Variants in GRK5 observed in about 807,000 individuals in gnomAD.
The protein encoded by GRK5 is g protein-coupled receptor kinase GRK5.
Under a neutral mutation model 78.4 loss-of-function variants are expected in GRK5, and 40 were observed. That is an observed-to-expected ratio of 0.51 (90% CI 0.40 to 0.66). GRK5 has a LOEUF of 0.66. Ranked by LOEUF, GRK5 falls within the 30% of genes least tolerant of loss-of-function variation. The pLI, the probability that GRK5 is intolerant of heterozygous loss-of-function variation, is 0.00. For synonymous variants in GRK5, 289 were observed against 296.8 expected (o/e 0.97, Z 0.27); for missense variants, 598 against 759.9 (o/e 0.79, Z 2.50).
In GRK5 at chr10:119,405,308, G is replaced by A. The variant is rs549535024; in HGVS notation, c.339+8536G>A. ...TCTTAGAGCGCATTTCTTGCCAAAGGTCTGCAGGCAGGATATTGTTCTCTG... is the reference window on the plus strand; with the variant it reads ...TCTTAGAGCGCATTTCTTGCCAAAGATCTGCAGGCAGGATATTGTTCTCTG... On this transcript the variant is annotated intron_variant, in intron 4 of 15. Coordinates refer to ENST00000392870, the MANE Select transcript of GRK5 (RefSeq NM_005308.3). 1.9e-3 allele frequency among the ~76,000 whole-genome samples: 290 copies of A among 152,260 alleles called. 1 individual carries two copies. Among genetic ancestry groups the A allele is most frequent in the African/African-American group, 6.6e-3 (275 of 41,554 alleles).
intron 1 of GRK5, among the ~76,000 whole-genome samples, chr10:119,213,956 T>C (rs1408665046): frequency 9.2e-6 from 1 of 108,742 alleles, no homozygotes; most frequent in African/African-American, 3.5e-5. Context: ...TGCCGTTCTC[T>C]TTTTACATGT....
At chr10:119,442,906 ATGGT>A (rs1468973722) in intron 11 of GRK5, among the ~76,000 whole-genome samples, 1 of 152,014 alleles carries the variant, frequency 6.6e-6, no homozygotes, top group Non-Finnish European at 1.5e-5. Context: ...GGGTGGATGG[ATGGT>A]TGGATGGATG....
chr10:119,447,713 C>T (rs1255736430), intron 12 of GRK5, among the ~76,000 whole-genome samples: 1 of 152,166 alleles, frequency 6.6e-6, no homozygotes, highest in African/African-American at 2.4e-5. Flanking sequence ...GGTGCCTTCT[C>T]TGTCAGGAAG....
At position 119,455,311 on chromosome 10, in the gene GRK5, GA is replaced by G. The variant is rs1406257677; in HGVS notation, c.*247del. ...TTTGTCTTTGGTGAACATTGCAATA[GA>G]AATCCAATTGGATACGACAACTTGC... On this transcript the variant is annotated 3_prime_UTR_variant, in exon 16 of 16. Transcript: ENST00000392870. 1 of 685,770 alleles carries G rather than the reference GA, an allele frequency of 1.5e-6. No individual in the cohort carries two copies. The highest frequency in any genetic ancestry group is 2.8e-5 in the East Asian group (1 of 36,086). 42.5% of individuals were successfully genotyped at this position (685,770 alleles called of 1,614,324 possible). A position where few individuals can be genotyped will look rare whatever the true frequency, so the allele number is the denominator to read the frequency against.
At chr10:119,403,400 C>T (rs1033023413) in intron 4 of GRK5, among the ~76,000 whole-genome samples, 5 of 152,080 alleles carry the variant, frequency 3.3e-5, no homozygotes, top group Non-Finnish European at 7.4e-5. Context: ...CTCCTGACCT[C>T]GTGATCCACC....
At position 119,441,984 on chromosome 10, in the gene GRK5, T is replaced by A. The variant is rs1040340443; in HGVS notation, c.968-15T>A. ...GGCTGTCCCAGGGACCCACTGACCC[T>A]GCTGTCCCCCTCAGGCCACATTAGG... On this transcript the variant is annotated splice_polypyrimidine_tract_variant and intron_variant, in intron 10 of 15. Coordinates refer to ENST00000392870, the MANE Select transcript of GRK5 (RefSeq NM_005308.3). 1 of 1,610,422 alleles carries A rather than the reference T, an allele frequency of 6.2e-7. No individual in the cohort carries two copies. The highest frequency in any genetic ancestry group is 2.2e-5 in the East Asian group (1 of 44,858).
At chr10:119,313,047 G>GTGGTGA (rs1850400244) in intron 1 of GRK5, among the ~76,000 whole-genome samples, 1 of 121,838 alleles carries the variant, frequency 8.2e-6, no homozygotes, top group Non-Finnish European at 2.0e-5. Context: ...GATGGTGGTG[G>GTGGTGA]TGGTAATGAT....
intron 4 of GRK5, among the ~76,000 whole-genome samples, chr10:119,407,360 A>G (rs1852259777): frequency 6.6e-6 from 1 of 152,194 alleles, no homozygotes; most frequent in East Asian, 1.9e-4. Context: ...AGGCCTCAAA[A>G]GGGATGCTTA....
At chr10:119,251,172 T>A (rs549950048) in intron 1 of GRK5, among the ~76,000 whole-genome samples, 1 of 152,182 alleles carries the variant, frequency 6.6e-6, no homozygotes, top group Non-Finnish European at 1.5e-5. Context: ...ACTGTTTGAA[T>A]TTAAAACTCT....
chr10:119,208,149 A>G (rs985675967), intron 1 of GRK5, among the ~76,000 whole-genome samples, 180 bp downstream of exon 1: 3 of 152,236 alleles, frequency 2.0e-5, no homozygotes, highest in Admixed American at 2.0e-4. Context: ...CTTGGGGCTC[A>G]GAGAATCTGG....
At chr10:119,243,289 G>A (rs1849054686) in intron 1 of GRK5, among the ~76,000 whole-genome samples, 1 of 152,172 alleles carries the variant, frequency 6.6e-6, no homozygotes, top group Non-Finnish European at 1.5e-5. Context: ...TGTGCTCTGT[G>A]TCGGCATGTT....
At chr10:119,255,506 C>T (rs916922577) in intron 1 of GRK5, among the ~76,000 whole-genome samples, 2 of 152,220 alleles carry the variant, frequency 1.3e-5, no homozygotes, top group Non-Finnish European at 2.9e-5. Flanking sequence ...GTGATTTTCA[C>T]TGGCGTGGAC....
At chr10:119,312,986 G>A (rs1465389219) in intron 1 of GRK5, among the ~76,000 whole-genome samples, 2 of 151,728 alleles carry the variant, frequency 1.3e-5, no homozygotes, top group Non-Finnish European at 2.9e-5. Context: ...TGATGCTGAT[G>A]GTGGTGGTAA....
chr10:119,432,929 G>A (rs1351189884), intron 8 of GRK5, among the ~76,000 whole-genome samples: 1 of 152,108 alleles, frequency 6.6e-6, no homozygotes, highest in Non-Finnish European at 1.5e-5. Context: ...AAATTACCTG[G>A]GCATGGTGGT....
intron 2 of GRK5, among the ~76,000 whole-genome samples, chr10:119,363,281 A>AG (rs892889319): frequency 4.0e-5 from 6 of 148,550 alleles, no homozygotes; most frequent in Non-Finnish European, 7.5e-5. Context: ...AACTGTCTCA[A>AG]AAAAAAAAAA....
intron 1 of GRK5, among the ~76,000 whole-genome samples, chr10:119,303,969 C>T (rs529905979): frequency 6.6e-5 from 10 of 152,124 alleles, no homozygotes; most frequent in African/African-American, 9.7e-5. Context: ...TACCCTAAAG[C>T]GCCAGGGTGG....
chr10:119,381,537 G>A (rs1342221628), intron 3 of GRK5, among the ~76,000 whole-genome samples: 2 of 152,230 alleles, frequency 1.3e-5, no homozygotes, highest in African/African-American at 4.8e-5. Flanking sequence ...TCCTTCACAT[G>A]TGCTTGTTAT....
chr10:119,261,948 C>A (rs929643488), intron 1 of GRK5, among the ~76,000 whole-genome samples: 4 of 151,868 alleles, frequency 2.6e-5, no homozygotes, highest in African/African-American at 9.7e-5. Context: ...GGGAGAGGAC[C>A]GTCTGCTTTA....
chr10:119,439,482 A>G (rs1381718326), intron 9 of GRK5, among the ~76,000 whole-genome samples: 5 of 152,216 alleles, frequency 3.3e-5, no homozygotes, highest in Admixed American at 2.6e-4. Context: ...GCCTTTTCCT[A>G]ACTTTCCCAG....
Sources: allele counts gnomAD v4.1 joint callset (sites outside exome capture counted in the v4.1 genomes callset), GRCh38; gene constraint gnomAD v4.1.1; transcripts MANE v1.5; gene names NCBI Gene and HGNC (gene_info 2026-07-23, HGNC 2026-07-21).